The following SYNJ1 variants were observed in gnomAD, a reference collection of about 807,000 sequenced individuals.
SYNJ1 encodes synaptojanin 1, also known as polyphosphatidylinositol phosphatase SYNJ1.
SYNJ1 carries 78 observed loss-of-function variants against 168.2 expected under a neutral mutation model. The ratio of observed to expected loss-of-function variants is 0.46; its 90% CI spans 0.39 to 0.56. SYNJ1 has a LOEUF of 0.56. SYNJ1 is among the 20% of genes least tolerant of loss of function. The pLI is 0.00. For missense variants in SYNJ1, 1,303 were observed against 1,597.6 expected (o/e 0.82, Z 3.14); for synonymous variants, 539 against 548.6 (o/e 0.98, Z 0.24).
Position 32,653,325 on chromosome 21 carries a change from C to T in SYNJ1, c.2837G>A (p.Ser946Asn), listed in dbSNP as rs758843064. 3.1e-6 allele frequency: 5 copies of T among 1,613,874 alleles called. No individual in the cohort carries two copies. Among genetic ancestry groups the T allele is most frequent in the Non-Finnish European group, 3.4e-6 (4 of 1,179,846 alleles). ...DKMWVTFLEG[S>N]SALNVLSLNG... ...TAGGCTCAGAACATTCAAGGCAGAG[C>T]TTCCCTCCAAAAATGTAACCCACAT... Residue 946 changes from serine (S) to asparagine (N), a missense_variant, in exon 22 of 33, where the codon AGC becomes AAC. Physicochemically the swap from Ser to Asn is conservative, Grantham distance 46 (BLOSUM62 1). Transcript: ENST00000674351.
At chr21:32,682,062 TAA>T (rs898075653) in intron 10 of SYNJ1, among the ~76,000 whole-genome samples, 14 of 151,580 alleles carry the variant, frequency 9.2e-5, no homozygotes, top group African/African-American at 3.4e-4. Context: ...GTAATTAAGG[TAA>T]AAAAAATGAA....
chr21:32,726,650 TA>T, intron 2 of SYNJ1, 121 bp downstream of exon 2: 1 of 1,278,544 alleles, frequency 7.8e-7, no homozygotes, highest in Non-Finnish European at 1.1e-6. Context: ...AATACAAGCA[TA>T]ATCTGCTAGA....
chr21:32,651,960 C>A (rs888951227), intron 22 of SYNJ1, among the ~76,000 whole-genome samples: 2 of 152,298 alleles, frequency 1.3e-5, no homozygotes, highest in East Asian at 3.9e-4. Flanking sequence ...TGCGTATATG[C>A]ATATCCCATT....
intron 15 of SYNJ1, among the ~76,000 whole-genome samples, chr21:32,667,693 G>C (rs79586634): frequency 6.6e-6 from 1 of 151,932 alleles, no homozygotes; most frequent in Non-Finnish European, 1.5e-5. Flanking sequence ...CCTCAGCCCC[G>C]CAAGTAGCTG....
In SYNJ1 at chr21:32,630,985, T is replaced by C. The variant is rs2039295161; in HGVS notation, c.*820A>G. On this transcript the variant is annotated 3_prime_UTR_variant, in exon 33 of 33. Transcript: ENST00000674351. ...AAAAGCAAGTACCCACTGTTTTCTA[T>C]TGCATGGCGTTATCTTTCTGTAAAG... The C allele has an allele frequency of 6.2e-7, 1 of 1,603,892 alleles. No individual in the cohort carries two copies. The highest frequency in any genetic ancestry group is 8.5e-7 in the Non-Finnish European group (1 of 1,174,662).
intron 8 of SYNJ1, among the ~76,000 whole-genome samples, chr21:32,686,522 T>C (rs1015747381): frequency 3.3e-5 from 5 of 152,180 alleles, no homozygotes; most frequent in African/African-American, 9.7e-5. Context: ...CTTTTTGACA[T>C]GAAATTCTCA....
intron 31 of SYNJ1, 83 bp from the exon 32 acceptor site, chr21:32,634,967 C>T (rs2039501120): frequency 7.7e-6 from 11 of 1,437,028 alleles, no homozygotes; most frequent in South Asian, 3.5e-5. Flanking sequence ...ATTCAGTCAA[C>T]AAAATGCTTT....
intron 2 of SYNJ1, among the ~76,000 whole-genome samples, chr21:32,708,858 C>T (rs922055930): frequency 1.3e-5 from 2 of 151,484 alleles, no homozygotes; most frequent in African/African-American, 4.8e-5. Flanking sequence ...GTGGCTCACG[C>T]CTGTAATCCT....
At chr21:32,725,280 G>A (rs1022207420) in intron 2 of SYNJ1, among the ~76,000 whole-genome samples, 1 of 151,838 alleles carries the variant, frequency 6.6e-6, no homozygotes, top group African/African-American at 2.4e-5. Context: ...ACAAACATTC[G>A]CCCCACCCAA....
chr21:32,722,215 T>A (rs1331951818), intron 2 of SYNJ1, among the ~76,000 whole-genome samples: 58 of 142,218 alleles, frequency 4.1e-4, no homozygotes, highest in African/African-American at 1.4e-3. Flanking sequence ...AATATATATA[T>A]ATATATATAT....
intron 4 of SYNJ1, among the ~76,000 whole-genome samples, chr21:32,698,919 C>T (rs1341257929): frequency 2.6e-5 from 4 of 152,190 alleles, no homozygotes; most frequent in African/African-American, 9.7e-5. Context: ...GTGAGTAACA[C>T]AGTTTTGTTA....
In SYNJ1 at chr21:32,645,781, T is replaced by A. The variant is rs2040037496; in HGVS notation, c.3256A>T (p.Ile1086Phe). ...AGCGGCGTTGCTGGCTGCGCGTCAA[T>A]AGGAGAACCTAAAAAGCGCACAGGA... ...PGPPSAQSSP[I>F]DAQPATPLPQ... is the part of the protein sequence containing the mutation. The change falls in exon 25 of 33, where the codon ATT (isoleucine) becomes TTT (phenylalanine). Residue 1086 changes from isoleucine to phenylalanine, a missense_variant. Transcript: ENST00000674351. The A allele has an allele frequency of 6.8e-7, 1 of 1,476,578 alleles. No homozygotes were observed. Among genetic ancestry groups the A allele is most frequent in the East Asian group, 2.5e-5 (1 of 40,222 alleles). 91.5% of individuals were successfully genotyped at this position (1,476,578 alleles called of 1,614,324 possible).
chr21:32,702,081 C>A, intron 2 of SYNJ1, 34 bp from the exon 3 acceptor site: 1 of 1,451,010 alleles, frequency 6.9e-7, no homozygotes, highest in South Asian at 1.3e-5. Context: ...AGAAAAATGA[C>A]CTGAAACATT....
Position 32,646,387 on chromosome 21 carries a change from G to A in SYNJ1, c.3247+6C>T. 1 of 1,613,282 alleles carries A rather than the reference G, an allele frequency of 6.2e-7. No individual in the cohort carries two copies. Among genetic ancestry groups the A allele is most frequent in the Non-Finnish European group, 8.5e-7 (1 of 1,179,424 alleles). On this transcript the variant is annotated splice_donor_region_variant and intron_variant, in intron 24 of 32. Coordinates refer to ENST00000674351, the MANE Select transcript of SYNJ1 (RefSeq NM_203446.3). ...GCCATACAAAACTTTCAAATAAAAT[G>A]CATACTCTGTGCACTGGGAGGCCCA...
intron 2 of SYNJ1, among the ~76,000 whole-genome samples, chr21:32,719,637 C>A (rs1172959031): frequency 1.3e-5 from 2 of 151,604 alleles, no homozygotes; most frequent in African/African-American, 4.8e-5. Context: ...TTGCTTGAAC[C>A]CGTAGGCAGA....
chr21:32,682,695 T>A (rs2041671626), intron 10 of SYNJ1, among the ~76,000 whole-genome samples: 1 of 152,114 alleles, frequency 6.6e-6, no homozygotes, highest in African/African-American at 2.4e-5. Context: ...CCAATTGCTA[T>A]CCTAGGGAGT....
At chr21:32,636,045 A>G (rs2039551545) in intron 31 of SYNJ1, among the ~76,000 whole-genome samples, 1 of 152,072 alleles carries the variant, frequency 6.6e-6, no homozygotes, top group African/African-American at 2.4e-5. Flanking sequence ...TAAACATGAG[A>G]CTCTTATTTA....
At chr21:32,659,893 T>C (rs1034333276) in intron 18 of SYNJ1, among the ~76,000 whole-genome samples, 1 of 152,186 alleles carries the variant, frequency 6.6e-6, no homozygotes, top group African/African-American at 2.4e-5. Context: ...TTAGGTGGCT[T>C]AGGCCTGCCC....
intron 2 of SYNJ1, among the ~76,000 whole-genome samples, chr21:32,714,424 A>G (rs778396350): frequency 1.9e-4 from 29 of 152,292 alleles, no homozygotes; most frequent in South Asian, 6.2e-4. Flanking sequence ...CCAGTTAAGG[A>G]GGGAATTGTA....
Sources: gnomAD v4.1 joint callset for allele counts (sites outside exome capture counted in the v4.1 genomes callset) on GRCh38, gnomAD v4.1.1 for gene constraint, MANE v1.5 for transcripts, NCBI Gene and HGNC (gene_info 2026-07-23, HGNC 2026-07-21) for gene names.